The following CSMD2 variants were observed in gnomAD, a reference collection of about 807,000 sequenced individuals.
The protein encoded by CSMD2 is CUB and sushi domain-containing protein 2.
CSMD2 carries 130 observed loss-of-function variants against 398.5 expected under a neutral mutation model. The observed-to-expected ratio is 0.33, with a 90% CI of 0.28 to 0.38. The LOEUF is 0.38. CSMD2 is among the 10% of genes least tolerant of loss of function. The probability of loss-of-function intolerance (pLI) is 1.00; values close to 1 mark genes in which losing one functional copy is unlikely to be tolerated. For missense variants in CSMD2, 3,829 were observed against 4,764.9 expected (o/e 0.80, Z 5.78); for synonymous variants, 1,828 against 1,908.5 (o/e 0.96, Z 1.10).
intron 56 of CSMD2, among the ~76,000 whole-genome samples, chr1:33,549,350 TTGCAGGCAA>T (rs1371180134): frequency 6.6e-6 from 1 of 152,168 alleles, no homozygotes; most frequent in African/African-American, 2.4e-5. Flanking sequence ...CAGCTCCCTC[TTGCAGGCAA>T]CATGGAATCC....
At chr1:33,654,014 G>A (rs1422202238) in intron 27 of CSMD2, among the ~76,000 whole-genome samples, 2 of 152,116 alleles carry the variant, frequency 1.3e-5, no homozygotes. Context: ...TCAGGGTGAG[G>A]CTTAAAGGGC....
intron 70 of CSMD2, among the ~76,000 whole-genome samples, chr1:33,517,521 C>T (rs538984369): frequency 6.6e-6 from 1 of 152,174 alleles, no homozygotes; most frequent in Non-Finnish European, 1.5e-5. Context: ...CTCCAAGCCC[C>T]GATTTACATC....
Position 33,577,416 on chromosome 1 carries a change from C to G in CSMD2, c.7456G>C (p.Gly2486Arg). 6.2e-7 allele frequency: 1 copy of G among 1,614,048 alleles called. No individual in the cohort carries two copies. The highest frequency in any genetic ancestry group is 8.5e-7 in the Non-Finnish European group (1 of 1,179,948). The change falls in exon 49 of 71, where the codon GGG (glycine) becomes CGG (arginine). Residue 2486 changes from glycine (G) to arginine (R), a missense_variant. Physicochemically the swap from Gly to Arg is moderately radical, Grantham distance 125 (BLOSUM62 -2). This residue lies in a region of CSMD2 where 723 missense variants were observed against 758.6 expected (regional missense o/e 0.95). Coordinates refer to ENST00000373381, the MANE Select transcript of CSMD2 (RefSeq NM_001281956.2). ...FILGQTSTQP[G>R]GSIHFGCNAG... ...TTGCAGCCAAAGTGGATGGAGCCCC[C>G]GGGCTGGGTGCTGGTCTGGCCTAGG... is the stretch of plus-strand genomic sequence containing the variant.
chr1:33,884,979 A>G (rs1250544536), intron 5 of CSMD2: 1 of 152,240 alleles, frequency 6.6e-6, no homozygotes, highest in Non-Finnish European at 1.5e-5. Context: ...CAGGAGAGAC[A>G]TGGAAAGAAA....
At chr1:34,070,199 C>G (rs963657646) in intron 2 of CSMD2, among the ~76,000 whole-genome samples, 3 of 152,208 alleles carry the variant, frequency 2.0e-5, no homozygotes, top group Admixed American at 2.0e-4. Flanking sequence ...AGGAAGAGTG[C>G]AGTGGAGAAA....
intron 5 of CSMD2, among the ~76,000 whole-genome samples, chr1:33,856,556 G>A (rs1240272585): frequency 6.6e-6 from 1 of 152,148 alleles, no homozygotes; most frequent in East Asian, 1.9e-4. Context: ...CAGAGGGACT[G>A]TTGTAAATGG....
chr1:34,165,634 G>T (rs536052830), upstream of CSMD2: 651 of 885,104 alleles, frequency 7.4e-4, 1 homozygote, highest in Middle Eastern at 1.5e-3. Flanking sequence ...AGAGACACAC[G>T]CACTCACACA....
At chr1:33,720,449 G>T (rs1646323194) in intron 19 of CSMD2, among the ~76,000 whole-genome samples, 1 of 152,156 alleles carries the variant, frequency 6.6e-6, no homozygotes, top group African/African-American at 2.4e-5. Context: ...AGAGGAAGGG[G>T]ATTCAGAAGG....
At chr1:34,046,203 T>A (rs906909693) in intron 2 of CSMD2, among the ~76,000 whole-genome samples, 1 of 152,206 alleles carries the variant, frequency 6.6e-6, no homozygotes, top group Non-Finnish European at 1.5e-5. Context: ...GATATGCAGG[T>A]GGTAGTGTCC....
intron 3 of CSMD2, among the ~76,000 whole-genome samples, chr1:33,963,200 A>G (rs1215438960): frequency 6.6e-6 from 1 of 152,124 alleles, no homozygotes; most frequent in African/African-American, 2.4e-5. Flanking sequence ...CCTAATCTGA[A>G]TACCTACCCC....
At chr1:33,746,832 C>T (rs1225103068) in intron 13 of CSMD2, among the ~76,000 whole-genome samples, 1 of 152,192 alleles carries the variant, frequency 6.6e-6, no homozygotes, top group Non-Finnish European at 1.5e-5. Flanking sequence ...ATGTGGGTCT[C>T]ATAACCCCAT....
At chr1:33,786,585 A>C (rs1449733106) in intron 12 of CSMD2, among the ~76,000 whole-genome samples, 2 of 152,204 alleles carry the variant, frequency 1.3e-5, no homozygotes, top group Non-Finnish European at 2.9e-5. Context: ...TCTTATGTTC[A>C]CATTTCTTAA....
chr1:33,990,815 C>G (rs1046349172), intron 3 of CSMD2, among the ~76,000 whole-genome samples: 4 of 152,198 alleles, frequency 2.6e-5, no homozygotes, highest in Non-Finnish European at 5.9e-5. Context: ...CTACCCTTTC[C>G]TGTCTCCTCC....
At chr1:34,121,764 A>T (rs1198411323) in intron 1 of CSMD2, among the ~76,000 whole-genome samples, 1 of 151,982 alleles carries the variant, frequency 6.6e-6, no homozygotes, top group Non-Finnish European at 1.5e-5. Context: ...GAGAACCAGC[A>T]CTCCAGGGGC....
At chr1:33,941,292 C>T (rs1486426406) in intron 3 of CSMD2, among the ~76,000 whole-genome samples, 1 of 152,150 alleles carries the variant, frequency 6.6e-6, no homozygotes, top group Non-Finnish European at 1.5e-5. Flanking sequence ...CTACATCATG[C>T]CTTCTTTTAT....
chr1:33,683,993 T>C (rs987633488), intron 25 of CSMD2, among the ~76,000 whole-genome samples: 1 of 152,246 alleles, frequency 6.6e-6, no homozygotes, highest in East Asian at 1.9e-4. Context: ...TGGCAAGAGC[T>C]GTGAATGCAA....
rs528883259 is a variant in CSMD2, at chr1:34,078,554, C to A, written c.404+10423G>T. ...TCTATAGCTGGTGGCTCACATACAA[C>A]AACCCTGTAAGGCGGGTAAATGTCA... On this transcript the variant is annotated intron_variant, in intron 2 of 70. Transcript: ENST00000373381. Among the ~76,000 whole-genome samples, 3 of 152,300 alleles carry A rather than the reference C, an allele frequency of 2.0e-5. No individual in the cohort carries two copies. In the South Asian group the frequency reaches 6.2e-4, roughly 32 times the overall value.
chr1:33,564,755 T>C (rs1658895419), intron 53 of CSMD2, among the ~76,000 whole-genome samples: 1 of 152,202 alleles, frequency 6.6e-6, no homozygotes, highest in Admixed American at 6.5e-5. Context: ...ATTTCAGGCA[T>C]TGTTTTTTGA....
intron 55 of CSMD2, 90 bp from the exon 56 acceptor site, chr1:33,550,440 T>C: frequency 7.2e-7 from 1 of 1,384,072 alleles, no homozygotes; most frequent in Non-Finnish European, 9.9e-7. Flanking sequence ...AGCAAGAGGC[T>C]GGGAAGAAGA....
Sources: gnomAD v4.1 joint callset for allele counts (sites outside exome capture counted in the v4.1 genomes callset) on GRCh38, gnomAD v4.1.1 for gene constraint, gnomAD v4.1.1 regional missense constraint, MANE v1.5 for transcripts, NCBI Gene and HGNC (gene_info 2026-07-23, HGNC 2026-07-21) for gene names.